SPAG16: variants seen among roughly 807,000 people sequenced by gnomAD.
The protein encoded by SPAG16 is sperm-associated antigen 16 protein.
Under a neutral mutation model 80.4 loss-of-function variants are expected in SPAG16, and 86 were observed. The ratio of observed to expected loss-of-function variants is 1.07; its 90% CI spans 0.90 to 1.28. The LOEUF (loss-of-function observed/expected upper bound fraction) is 1.28. SPAG16 is among the 50% of genes most tolerant of loss of function. The pLI, the probability that SPAG16 is intolerant of heterozygous loss-of-function variation, is 0.00. For missense variants in SPAG16, 870 were observed against 765.3 expected (o/e 1.14, Z -1.61); for synonymous variants, 294 against 265.9 (o/e 1.11, Z -1.03).
intron 10 of SPAG16, among the ~76,000 whole-genome samples, chr2:213,509,025 C>T (rs1157889252): frequency 1.5e-4 from 22 of 149,032 alleles, no homozygotes; most frequent in African/African-American, 5.0e-4. Context: ...GAGATGGAGT[C>T]TCACTCTTTC....
chr2:213,382,872 G>A (rs1301498240), intron 9 of SPAG16, among the ~76,000 whole-genome samples: 2 of 152,146 alleles, frequency 1.3e-5, no homozygotes, highest in South Asian at 2.1e-4. Context: ...ATATGGCCCC[G>A]AGGCAAAGGA....
intron 10 of SPAG16, among the ~76,000 whole-genome samples, chr2:213,508,480 G>A (rs1399430603): frequency 1.3e-5 from 2 of 152,172 alleles, no homozygotes; most frequent in East Asian, 3.9e-4. Flanking sequence ...GCTGAGGCAG[G>A]AGAATGGCGT....
At chr2:214,237,179 T>C (rs1689139835) in intron 15 of SPAG16, among the ~76,000 whole-genome samples, 1 of 152,176 alleles carries the variant, frequency 6.6e-6, no homozygotes, top group Non-Finnish European at 1.5e-5. Flanking sequence ...ATTCTCTTTA[T>C]TCTCTGGATT....
At chr2:213,301,639 A>T (rs1411656021) in intron 3 of SPAG16, among the ~76,000 whole-genome samples, 2 of 152,104 alleles carry the variant, frequency 1.3e-5, no homozygotes, top group African/African-American at 4.8e-5. Flanking sequence ...GAGCTACAGC[A>T]TGCTGCTGGT....
rs140079916 is a variant in SPAG16, at chr2:213,580,198, C to T, written c.1070+90108C>T. ...AATGCAGGAGACAAAGAAGAATCTA[C>T]ACAAACAGGCCTATGGCATTCCCCC... On this transcript the variant is annotated intron_variant, in intron 10 of 15. Transcript: ENST00000331683. 1.4e-3 allele frequency among the ~76,000 whole-genome samples: 209 copies of T among 152,182 alleles called. 2 individuals are homozygous for T. Among genetic ancestry groups the T allele is most frequent in the African/African-American group, 4.5e-3 (189 of 41,546 alleles).
chr2:213,826,878 A>G (rs1165841534), intron 10 of SPAG16, among the ~76,000 whole-genome samples: 1 of 151,916 alleles, frequency 6.6e-6, no homozygotes, highest in Non-Finnish European at 1.5e-5. Flanking sequence ...CTATCTTTTT[A>G]TCTCTAATAA....
intron 10 of SPAG16, among the ~76,000 whole-genome samples, chr2:213,828,887 G>A (rs115911488): frequency 5.9e-5 from 9 of 152,270 alleles, no homozygotes; most frequent in Non-Finnish European, 1.2e-4. Context: ...CCTGAATAGA[G>A]TCCCTCTCTC....
intron 15 of SPAG16, among the ~76,000 whole-genome samples, chr2:214,168,764 T>C (rs748131612): frequency 6.6e-6 from 1 of 151,974 alleles, no homozygotes; most frequent in Non-Finnish European, 1.5e-5. Context: ...AATAAGGAAA[T>C]TAAGATAACG....
rs374274176 is a variant in SPAG16, at chr2:213,980,725, T to TATATATATAGAGAGAGAG, written c.1401-33225_1401-33224insTATATATAGAGAGAGAGA. On this transcript the variant is annotated intron_variant, in intron 12 of 15. Transcript: ENST00000331683. Reference sequence around the variant, plus strand: ...GTGTGTGTGTGTGTATATATATATATAGAGAGAGAGAGAGAGAGAGAGAGA... The same window carrying TATATATATAGAGAGAGAG: ...GTGTGTGTGTGTGTATATATATATATATATATATAGAGAGAGAGAGAGAGAGAGAGAGAGAGAGAGAGA... Among the ~76,000 whole-genome samples the TATATATATAGAGAGAGAG allele has an allele frequency of 1.5e-3, 154 of 103,974 alleles. 5 individuals carry two copies. Among genetic ancestry groups the TATATATATAGAGAGAGAG allele is most frequent in the African/African-American group, 4.5e-3 (91 of 20,072 alleles). The allele number at this position is 103,974 out of a possible 152,430, so 68.2% of individuals were successfully genotyped here.
intron 10 of SPAG16, among the ~76,000 whole-genome samples, chr2:213,832,212 G>T (rs1028873531): frequency 9.2e-5 from 14 of 151,868 alleles, no homozygotes; most frequent in Admixed American, 8.5e-4. Flanking sequence ...TGGCCAGGCT[G>T]ATCTTGAACT....
At chr2:213,774,617 T>G (rs1313632496) in intron 10 of SPAG16, among the ~76,000 whole-genome samples, 1 of 152,208 alleles carries the variant, frequency 6.6e-6, no homozygotes, top group Non-Finnish European at 1.5e-5. Flanking sequence ...GGGGAGACAA[T>G]TCAGTTCCTA....
At chr2:213,603,350 G>A (rs2061134725) in intron 10 of SPAG16, among the ~76,000 whole-genome samples, 1 of 152,184 alleles carries the variant, frequency 6.6e-6, no homozygotes, top group Admixed American at 6.5e-5. Context: ...CCAATCTTCT[G>A]ATGCTTATAC....
At chr2:213,833,491 TATAATATATA>T (rs2073841182) in intron 10 of SPAG16, among the ~76,000 whole-genome samples, 1 of 1,772 alleles carries the variant, frequency 5.6e-4, no homozygotes, top group Non-Finnish European at 3.4e-3. Flanking sequence ...ATATATTATA[TATAATATATA>T]TATTATATAT....
chr2:214,318,779 G>A lies in SPAG16; in HGVS notation c.1721-91361G>A, dbSNP rs773136099. Among the ~76,000 whole-genome samples the A allele has an allele frequency of 1.3e-3, 196 of 152,218 alleles. 1 individual carries two copies. Among genetic ancestry groups the A allele is most frequent in the Non-Finnish European group, 2.5e-3 (171 of 68,006 alleles). On this transcript the variant is annotated intron_variant, in intron 15 of 15. Transcript: ENST00000331683. ...TAAGGTTGCAAGTGGGCAAGCAGAG[G>A]TAACAACAGGCACCTTGTCTTCCAA...
At chr2:213,415,791 T>C (rs2125412817) in intron 9 of SPAG16, among the ~76,000 whole-genome samples, 1 of 152,238 alleles carries the variant, frequency 6.6e-6, no homozygotes, top group East Asian at 1.9e-4. Context: ...TGGTTAACTG[T>C]CGTACACAGA....
intron 10 of SPAG16, among the ~76,000 whole-genome samples, chr2:213,581,297 A>G (rs1685889025): frequency 6.6e-6 from 1 of 152,064 alleles, no homozygotes; most frequent in Admixed American, 6.6e-5. Context: ...GGTTCATTGT[A>G]GCCTCAAGCT....
At chr2:214,072,300 T>C (rs989327877) in intron 13 of SPAG16, among the ~76,000 whole-genome samples, 2 of 152,162 alleles carry the variant, frequency 1.3e-5, no homozygotes, top group Admixed American at 6.5e-5. Flanking sequence ...ATTAAGGATA[T>C]GAAGAAAGCT....
At chr2:214,163,398 A>T (rs1041234646) in intron 15 of SPAG16, among the ~76,000 whole-genome samples, 1 of 150,980 alleles carries the variant, frequency 6.6e-6, no homozygotes, top group South Asian at 2.1e-4. Context: ...TATTTTTGAG[A>T]TGGTTAATTT....
At chr2:213,943,028 G>A (rs2079276766) in intron 12 of SPAG16, among the ~76,000 whole-genome samples, 1 of 152,100 alleles carries the variant, frequency 6.6e-6, no homozygotes, top group South Asian at 2.1e-4. Flanking sequence ...ATGAGAAGAT[G>A]GCCATCTGCA....
Sources: gnomAD v4.1 joint callset for allele counts (sites outside exome capture counted in the v4.1 genomes callset) on GRCh38, gnomAD v4.1.1 for gene constraint, MANE v1.5 for transcripts, NCBI Gene and HGNC (gene_info 2026-07-23, HGNC 2026-07-21) for gene names.